Variants in USH2A observed in about 807,000 individuals in gnomAD.
The protein encoded by USH2A is usherin.
A neutral mutation model predicts 538.9 loss-of-function variants in USH2A; 443 were observed. That is an observed-to-expected ratio of 0.82 (90% CI 0.76 to 0.89). The LOEUF (loss-of-function observed/expected upper bound fraction) is 0.89, where lower values mean the gene tolerates loss of function less well. USH2A is among the 40% of genes least tolerant of loss of function. The pLI is 0.00. For synonymous variants in USH2A, 2,413 were observed against 2,273.5 expected (o/e 1.06, Z -1.75); for missense variants, 6,633 against 6,324.8 (o/e 1.05, Z -1.65).
intron 64 of USH2A, among the ~76,000 whole-genome samples, chr1:215,658,325 G>C (rs536172652): frequency 1.3e-5 from 2 of 151,930 alleles, no homozygotes; most frequent in African/African-American, 4.8e-5. Flanking sequence ...TCTCATGGAG[G>C]ATATGTAAAA....
intron 21 of USH2A, among the ~76,000 whole-genome samples, chr1:216,116,162 T>C (rs1038926360): frequency 1.3e-5 from 2 of 152,046 alleles, no homozygotes; most frequent in African/African-American, 4.8e-5. Flanking sequence ...TCATGTTTTA[T>C]ACCTCAAATA....
chr1:216,309,827 G>C (rs1369836049), intron 9 of USH2A, among the ~76,000 whole-genome samples: 4 of 152,086 alleles, frequency 2.6e-5, no homozygotes, highest in African/African-American at 9.7e-5. Context: ...CCTTTAGCCT[G>C]TTGATGTGAG....
rs1446508765 is a variant in USH2A at position 216,175,267 on chromosome 1, T to A, written c.4612A>T (p.Asn1538Tyr). The A allele has an allele frequency of 3.7e-6, 6 of 1,613,738 alleles. No individual in the cohort carries two copies. The highest frequency in any genetic ancestry group is 5.1e-6 in the Non-Finnish European group (6 of 1,179,848). Residue 1538 changes from asparagine (N) to tyrosine (Y), a missense_variant, in exon 21 of 72, where the codon AAT (asparagine) becomes TAT (tyrosine). Transcript: ENST00000307340. ...CKFPSSTHPV[N>Y]TDFTGIKASF... ...ACACACTTACCAGTGAAGTCTGTAT[T>A]GACTGGGTGAGTGGAGCTGGGAAAT...
intron 61 of USH2A, among the ~76,000 whole-genome samples, chr1:215,685,232 C>T (rs1658379177): frequency 6.6e-6 from 1 of 151,886 alleles, no homozygotes; most frequent in African/African-American, 2.4e-5. Context: ...GTGGATTCTG[C>T]AGGACGATTT....
intron 30 of USH2A, among the ~76,000 whole-genome samples, chr1:216,058,725 G>C (rs1247746905): frequency 6.6e-6 from 1 of 152,060 alleles, no homozygotes; most frequent in Non-Finnish European, 1.5e-5. Context: ...AAAAGACTGA[G>C]GAGACTTTAG....
chr1:215,932,736 G>C (rs1666395985), intron 38 of USH2A, among the ~76,000 whole-genome samples: 1 of 152,036 alleles, frequency 6.6e-6, no homozygotes, highest in African/African-American at 2.4e-5. Flanking sequence ...ATCAGGCCCA[G>C]AGAGTGTGGG....
intron 40 of USH2A, among the ~76,000 whole-genome samples, chr1:215,898,797 G>A (rs887833862): frequency 6.6e-5 from 10 of 152,176 alleles, no homozygotes; most frequent in African/African-American, 2.4e-4. Context: ...TAAATCTGGT[G>A]ATCATGGTGT....
chr1:216,112,528 G>A (rs980954431), intron 21 of USH2A, among the ~76,000 whole-genome samples: 11 of 152,118 alleles, frequency 7.2e-5, no homozygotes, highest in African/African-American at 1.7e-4. Flanking sequence ...TTTGTGTCAC[G>A]GGGGTTCAAT....
At position 216,144,376 on chromosome 1, in the gene USH2A, T is replaced by G. The variant is rs376908630; in HGVS notation, c.4627+30876A>C. 2.6e-5 allele frequency among the ~76,000 whole-genome samples: 4 copies of G among 152,178 alleles called. No individual in the cohort carries two copies. The South Asian group carries it at 6.2e-4, about 24-fold the overall frequency. On this transcript the variant is annotated intron_variant, in intron 21 of 71. Coordinates refer to ENST00000307340, the MANE Select transcript of USH2A (RefSeq NM_206933.4). The stretch of plus-strand genomic sequence containing the variant: ...TTTTTTTAATACTTGGAAAATGTCC[T>G]TTTAGTATGGCTTTTCATGGAAAAA...
intron 32 of USH2A, 86 bp from the exon 33 acceptor site, chr1:216,000,648 G>A (rs1668247963): frequency 6.6e-7 from 1 of 1,525,722 alleles, no homozygotes; most frequent in Non-Finnish European, 9.1e-7. Flanking sequence ...TCCTATCTCA[G>A]AGAATTGTTA....
At chr1:215,818,912 T>G (rs1662932587) in intron 47 of USH2A, among the ~76,000 whole-genome samples, 1 of 151,832 alleles carries the variant, frequency 6.6e-6, no homozygotes, top group South Asian at 2.1e-4. Context: ...TCTTGCAGTG[T>G]AGCACAGCAA....
intron 49 of USH2A, among the ~76,000 whole-genome samples, chr1:215,802,641 A>T (rs1662370835): frequency 6.6e-6 from 1 of 152,138 alleles, no homozygotes; most frequent in South Asian, 2.1e-4. Flanking sequence ...AAATTGGCAC[A>T]CTTATGCGTT....
intron 15 of USH2A, among the ~76,000 whole-genome samples, chr1:216,212,022 T>G (rs538066602): frequency 6.6e-6 from 1 of 152,272 alleles, no homozygotes; most frequent in African/African-American, 2.4e-5. Flanking sequence ...CACAACAGAT[T>G]TCAGAGTTAG....
intron 30 of USH2A, among the ~76,000 whole-genome samples, chr1:216,057,798 TA>T (rs2031031085): frequency 6.6e-6 from 1 of 152,252 alleles, no homozygotes; most frequent in Non-Finnish European, 1.5e-5. Flanking sequence ...AATTACTTTT[TA>T]TTTACTTCTG....
intron 44 of USH2A, among the ~76,000 whole-genome samples, chr1:215,857,782 AG>A (rs1664209710): frequency 6.6e-6 from 1 of 152,050 alleles, no homozygotes; most frequent in South Asian, 2.1e-4. Context: ...AGTTAGTAGA[AG>A]AGGGGCAGCA....
chr1:215,935,960 A>C (rs559500548), intron 37 of USH2A, among the ~76,000 whole-genome samples: 1 of 152,122 alleles, frequency 6.6e-6, no homozygotes, highest in Non-Finnish European at 1.5e-5. Context: ...TGGGAGAATC[A>C]CTTGAACCCA....
chr1:216,007,349 GA>G (rs202113696), intron 32 of USH2A, among the ~76,000 whole-genome samples: 7 of 148,762 alleles, frequency 4.7e-5, no homozygotes, highest in East Asian at 2.0e-4. Context: ...TCAGGAGGCA[GA>G]AAAAAAAACA....
chr1:216,195,297 C>A (rs532894762), intron 19 of USH2A, among the ~76,000 whole-genome samples: 1 of 152,248 alleles, frequency 6.6e-6, no homozygotes, highest in East Asian at 1.9e-4. Flanking sequence ...GCCCCCATGA[C>A]ATCCACCATT....
intron 3 of USH2A, among the ~76,000 whole-genome samples, chr1:216,397,924 T>C (rs543562856): frequency 6.6e-6 from 1 of 152,336 alleles, no homozygotes; most frequent in Non-Finnish European, 1.5e-5. Flanking sequence ...CACACAGACA[T>C]GCACCTCCTA....
Sources: gnomAD v4.1 joint callset for allele counts (sites outside exome capture counted in the v4.1 genomes callset) on GRCh38, gnomAD v4.1.1 for gene constraint, MANE v1.5 for transcripts, NCBI Gene and HGNC (gene_info 2026-07-23, HGNC 2026-07-21) for gene names.